The following ABCA12 variants were observed in gnomAD, a reference collection of about 807,000 sequenced individuals.
ABCA12 encodes glucosylceramide transporter ABCA12.
Under a neutral mutation model 293.5 loss-of-function variants are expected in ABCA12, and 156 were observed. The ratio of observed to expected loss-of-function variants is 0.53; its 90% CI spans 0.47 to 0.61. ABCA12 has a LOEUF of 0.61. Ranked by LOEUF, ABCA12 falls within the 20% of genes least tolerant of loss-of-function variation. The pLI is 0.00. For synonymous variants in ABCA12, 1,063 were observed against 1,108.0 expected, an observed-to-expected ratio of 0.96 and a Z score of 0.81; for missense variants, 2,797 against 3,090.2, an observed-to-expected ratio of 0.91 and a Z score of 2.25.
chr2:215,123,039 T>C (rs1398518324), intron 1 of ABCA12, among the ~76,000 whole-genome samples: 2 of 152,184 alleles, frequency 1.3e-5, no homozygotes, highest in Non-Finnish European at 2.9e-5. Context: ...TGATATGTGA[T>C]TTTCTGCTTC....
At chr2:215,048,496 A>T (rs1198875642) in intron 6 of ABCA12, among the ~76,000 whole-genome samples, 1 of 151,826 alleles carries the variant, frequency 6.6e-6, no homozygotes, top group Non-Finnish European at 1.5e-5. Context: ...GGAGTTCGAG[A>T]TGAGCCTGGC....
intron 33 of ABCA12, among the ~76,000 whole-genome samples, chr2:214,977,881 T>C (rs201696896): frequency 2.6e-5 from 1 of 37,854 alleles, no homozygotes; most frequent in African/African-American, 7.9e-5. Context: ...TTTTTTTTCC[T>C]TTTTTTTTTT....
At chr2:215,041,333 C>G (rs1701096128) in intron 7 of ABCA12, among the ~76,000 whole-genome samples, 1 of 152,070 alleles carries the variant, frequency 6.6e-6, no homozygotes, top group Admixed American at 6.5e-5. Flanking sequence ...GCAGGCAGAT[C>G]ACAAGGTCAG....
chr2:215,081,758 T>C (rs893174528), intron 2 of ABCA12, among the ~76,000 whole-genome samples: 4 of 152,048 alleles, frequency 2.6e-5, no homozygotes, highest in Non-Finnish European at 5.9e-5. Context: ...AATACATATG[T>C]TTTAGGAAGC....
At chr2:214,958,166 T>C in intron 41 of ABCA12, 111 bp downstream of exon 41, 1 of 1,419,506 alleles carries the variant, frequency 7.0e-7, no homozygotes, top group Non-Finnish European at 9.9e-7. Flanking sequence ...TTTCCTGTCT[T>C]TGTGATAACA....
At chr2:214,988,948 G>A (rs564558789) in intron 26 of ABCA12, among the ~76,000 whole-genome samples, 179 of 151,588 alleles carry the variant, frequency 1.2e-3, no homozygotes, top group Middle Eastern at 3.4e-3. Flanking sequence ...GGAGGCCAAG[G>A]CGGGCAGATG....
rs1203783013 is a variant in ABCA12 at position 215,007,837 on chromosome 2, T to A, written c.2482A>T (p.Thr828Ser). ...TKAIMEKSNV[T>S]LRQLAELREK... ...CTTAATTCCGCCAGCTGTCTCAGAG[T>A]TACATTGGACTTAATGACAAAGAAA... The change falls in exon 19 of 53, where the codon ACT (threonine) becomes TCT (serine). Residue 828 changes from threonine to serine, a missense_variant. Thr to Ser is a moderately conservative substitution (Grantham distance 58, BLOSUM62 1). Transcript: ENST00000272895. The A allele has an allele frequency of 6.2e-7, 1 of 1,613,926 alleles. No individual in the cohort carries two copies. Among genetic ancestry groups the A allele is most frequent in the Non-Finnish European group, 8.5e-7 (1 of 1,179,908 alleles).
At chr2:215,060,833 T>C (rs1701513415) in intron 3 of ABCA12, among the ~76,000 whole-genome samples, 1 of 152,060 alleles carries the variant, frequency 6.6e-6, no homozygotes, top group Non-Finnish European at 1.5e-5. Flanking sequence ...GACTAAACTC[T>C]GATTAAATAT....
At chr2:214,974,702 C>T (rs902783949) in intron 35 of ABCA12, 76 bp downstream of exon 35, 12 of 1,358,112 alleles carry the variant, frequency 8.8e-6, no homozygotes, top group East Asian at 2.3e-5. Flanking sequence ...ATAACAGACA[C>T]ACACACCCAC....
intron 1 of ABCA12, among the ~76,000 whole-genome samples, chr2:215,128,761 T>G (rs1240553588): frequency 6.6e-6 from 1 of 152,194 alleles, no homozygotes; most frequent in African/African-American, 2.4e-5. Flanking sequence ...CCTCCCTGAT[T>G]AGCTTAATAA....
chr2:215,026,959 A>G (rs1700760135), intron 9 of ABCA12, 21 bp from the exon 10 acceptor site: 2 of 1,502,264 alleles, frequency 1.3e-6, no homozygotes, highest in Non-Finnish European at 1.9e-6. Context: ...AGAAAAGAAT[A>G]TAGAAATTAA....
At position 214,974,057 on chromosome 2, in the gene ABCA12, G is replaced by C; in HGVS notation, c.5469-15C>G. 6.2e-7 allele frequency: 1 copy of C among 1,606,378 alleles called. No homozygotes were observed. The highest frequency in any genetic ancestry group is 1.1e-5 in the South Asian group (1 of 90,918). Reference sequence around the variant, plus strand: ...TTAAACACTGTCTGCAAGTTAAAATGATATTGCTGTGAGGTGTGTATGTAT... The same window carrying C: ...TTAAACACTGTCTGCAAGTTAAAATCATATTGCTGTGAGGTGTGTATGTAT... On this transcript the variant is annotated splice_polypyrimidine_tract_variant and intron_variant, in intron 35 of 52. Transcript: ENST00000272895.
intron 9 of ABCA12, among the ~76,000 whole-genome samples, chr2:215,027,230 C>T (rs990628710): frequency 1.1e-4 from 17 of 152,070 alleles, no homozygotes; most frequent in Non-Finnish European, 1.5e-5. Context: ...CCTGTAGTCC[C>T]AGCTACTCTG....
intron 2 of ABCA12, among the ~76,000 whole-genome samples, chr2:215,077,951 C>G (rs184737305): frequency 6.2e-4 from 94 of 152,254 alleles, no homozygotes; most frequent in African/African-American, 2.1e-3. Flanking sequence ...TGCTCCTAAC[C>G]ACAGATATTC....
chr2:215,075,480 T>A (rs1701816856), intron 2 of ABCA12: 1 of 666,772 alleles, frequency 1.5e-6, no homozygotes, highest in African/African-American at 1.8e-5. Flanking sequence ...TCAAAAAGCA[T>A]CCTCTTAATC....
At chr2:214,942,786 G>C (rs1165172057) in intron 50 of ABCA12, 139 bp downstream of exon 50, 7 of 695,828 alleles carry the variant, frequency 1.0e-5, no homozygotes, top group Non-Finnish European at 1.8e-5. Context: ...TTTAAGGTGA[G>C]TCAGTGACTA....
Position 214,932,564 on chromosome 2 carries a change from T to A in ABCA12, c.*70A>T. ...TTAAAATGAAGATATCTTGCGGAAG[T>A]GTATCTTCTGTGGCTTTTCTTCAAA... On this transcript the variant is annotated 3_prime_UTR_variant, in exon 53 of 53. Transcript: ENST00000272895. The A allele has an allele frequency of 9.1e-7, 1 of 1,097,380 alleles. No individual in the cohort carries two copies. Among genetic ancestry groups the A allele is most frequent in the East Asian group, 2.4e-5 (1 of 41,680 alleles). 68.0% of individuals were successfully genotyped at this position (1,097,380 alleles called of 1,614,324 possible). A position where few individuals can be genotyped will look rare whatever the true frequency, so the allele number is the denominator to read the frequency against.
intron 7 of ABCA12, chr2:215,044,519 T>G (rs1256887470): frequency 6.6e-6 from 1 of 152,164 alleles, no homozygotes; most frequent in Admixed American, 6.6e-5. Flanking sequence ...AAATTCTGAG[T>G]GAGTGAAAAT....
intron 14 of ABCA12, 94 bp from the exon 15 acceptor site, chr2:215,015,757 C>T (rs1700480567): frequency 3.3e-6 from 4 of 1,208,564 alleles, no homozygotes; most frequent in Admixed American, 3.7e-5. Context: ...AAATTTTAAA[C>T]TAAAACAAAA....
Sources: allele counts gnomAD v4.1 joint callset (sites outside exome capture counted in the v4.1 genomes callset), GRCh38; gene constraint gnomAD v4.1.1; transcripts MANE v1.5; gene names NCBI Gene and HGNC (gene_info 2026-07-23, HGNC 2026-07-21).